The following NFATC2 variants were observed in gnomAD, a reference collection of about 807,000 sequenced individuals.
NFATC2 encodes nuclear factor of activated T cells 2.
A neutral mutation model predicts 87.3 loss-of-function variants in NFATC2; 22 were observed. That is an observed-to-expected ratio of 0.25 (90% CI 0.18 to 0.36). The LOEUF (loss-of-function observed/expected upper bound fraction) is 0.36. NFATC2 is among the 10% of genes least tolerant of loss of function. NFATC2 has a pLI of 1.00. For synonymous variants in NFATC2, 565 were observed against 542.2 expected (o/e 1.04, Z -0.58); for missense variants, 1,149 against 1,259.1 (o/e 0.91, Z 1.32).
chr20:51,455,231 T>TG lies in NFATC2; in HGVS notation c.1709-544dup, dbSNP rs36052294. Among the ~76,000 whole-genome samples, 1,354 of 152,330 alleles carry TG rather than the reference T, an allele frequency of 8.9e-3. 54 individuals are homozygous for TG. In the East Asian group the frequency reaches 0.13, roughly 14 times the overall value. On this transcript the variant is annotated intron_variant, in intron 5 of 10. Transcript: ENST00000371564. ...CGTTAAGACATCCATGATCTACCCATGGGGTCCTTTTCTAGAACTCTCCCT... is the reference window on the plus strand; with the variant it reads ...CGTTAAGACATCCATGATCTACCCATGGGGGTCCTTTTCTAGAACTCTCCCT...
chr20:51,541,420 A>G (rs1005272926), intron 1 of NFATC2, among the ~76,000 whole-genome samples: 1 of 152,174 alleles, frequency 6.6e-6, no homozygotes, highest in African/African-American at 2.4e-5. Flanking sequence ...ATACACAGTG[A>G]GGTTGGGCGT....
intron 5 of NFATC2, among the ~76,000 whole-genome samples, chr20:51,457,636 C>CTAATCCAGCTGCCTGGAT (rs1266635668): frequency 5.1e-3 from 60 of 11,806 alleles, no homozygotes; most frequent in African/African-American, 8.7e-3. Flanking sequence ...AGAGAAAACA[C>CTAATCCAGCTGCCTGGAT]GCCTTTAGCT....
intron 6 of NFATC2, among the ~76,000 whole-genome samples, chr20:51,439,366 A>C (rs561506813): frequency 6.6e-6 from 1 of 152,342 alleles, no homozygotes; most frequent in Admixed American, 6.5e-5. Context: ...CCAAGGTCAC[A>C]CAGCCAGACC....
chr20:51,439,121 G>A (rs989542881), intron 6 of NFATC2, among the ~76,000 whole-genome samples: 3 of 152,186 alleles, frequency 2.0e-5, no homozygotes, highest in African/African-American at 7.2e-5. Context: ...AAGATACCGT[G>A]GAAGCTTCAC....
At chr20:51,463,685 T>G (rs973389783) in intron 5 of NFATC2, among the ~76,000 whole-genome samples, 4 of 152,212 alleles carry the variant, frequency 2.6e-5, no homozygotes, top group Non-Finnish European at 5.9e-5. Flanking sequence ...AGCAAGTCAC[T>G]CATCCTTCGG....
intron 1 of NFATC2, among the ~76,000 whole-genome samples, chr20:51,549,581 C>T (rs921297557): frequency 1.3e-5 from 2 of 152,238 alleles, no homozygotes; most frequent in East Asian, 1.9e-4. Context: ...AAAGAACAAC[C>T]CAGAGCTGGG....
chr20:51,517,543 G>A (rs1434834081), intron 2 of NFATC2, among the ~76,000 whole-genome samples: 1 of 151,556 alleles, frequency 6.6e-6, no homozygotes, highest in African/African-American at 2.4e-5. Flanking sequence ...AATGAGCTGT[G>A]ATTGCACCAC....
At position 51,398,690 on chromosome 20, in the gene NFATC2, T is replaced by TAATA; in HGVS notation, c.2759_2762dup (p.Leu921PhefsTer11). ...CAAAGATCACAGTCATTCTGTTTCATAATATGTTTTGTATCCAGCTAAGGT... is the reference window on the plus strand; with the variant it reads ...CAAAGATCACAGTCATTCTGTTTCATAATAAATATGTTTTGTATCCAGCTAAGGT... On this transcript the variant is annotated frameshift_variant, in exon 10 of 11. Coordinates refer to ENST00000371564, the MANE Select transcript of NFATC2 (RefSeq NM_012340.5). LOFTEE classifies it high-confidence loss of function. The TAATA allele has an allele frequency of 6.2e-7, 1 of 1,613,442 alleles. No individual in the cohort carries two copies. Among genetic ancestry groups the TAATA allele is most frequent in the Non-Finnish European group, 8.5e-7 (1 of 1,179,668 alleles).
intron 3 of NFATC2, among the ~76,000 whole-genome samples, chr20:51,494,697 A>G (rs1222866511): frequency 6.6e-6 from 1 of 152,204 alleles, no homozygotes; most frequent in Non-Finnish European, 1.5e-5. Context: ...CCCGTGGCAG[A>G]GAGGTGACAG....
intron 9 of NFATC2, among the ~76,000 whole-genome samples, chr20:51,410,989 G>C (rs957333002): frequency 6.6e-6 from 1 of 152,170 alleles, no homozygotes; most frequent in African/African-American, 2.4e-5. Context: ...GATGACAGTG[G>C]TGATGGTGAT....
At chr20:51,504,019 G>T (rs1183744748) in intron 3 of NFATC2, among the ~76,000 whole-genome samples, 2 of 150,220 alleles carry the variant, frequency 1.3e-5, no homozygotes, top group Non-Finnish European at 3.0e-5. Context: ...AATTTTTGGG[G>T]TTTTTTTGTT....
intron 9 of NFATC2, among the ~76,000 whole-genome samples, chr20:51,430,356 T>A (rs542603410): frequency 1.2e-4 from 19 of 152,158 alleles, no homozygotes; most frequent in Admixed American, 6.5e-5. Context: ...CTTAGTTAAT[T>A]CTCTACACGA....
Position 51,469,568 on chromosome 20 carries a change from G to A in NFATC2, c.1708+4412C>T, listed in dbSNP as rs142755517. 8.1e-4 allele frequency among the ~76,000 whole-genome samples: 123 copies of A among 152,230 alleles called. 1 individual carries two copies. The highest frequency in any genetic ancestry group is 2.2e-3 in the African/African-American group (92 of 41,546). ...TCACATCCACCCACAACCTCAGAAC[G>A]TACCTTATTTGGAACCAGGGTCTTC... On this transcript the variant is annotated intron_variant, in intron 5 of 10. Transcript: ENST00000371564.
intron 3 of NFATC2, among the ~76,000 whole-genome samples, chr20:51,503,435 T>C (rs934120208): frequency 2.0e-5 from 3 of 152,228 alleles, no homozygotes; most frequent in Admixed American, 2.0e-4. Flanking sequence ...GCCACTAGTA[T>C]GGTGAGAACA....
chr20:51,461,267 C>T (rs1438649665), intron 5 of NFATC2, among the ~76,000 whole-genome samples: 1 of 152,202 alleles, frequency 6.6e-6, no homozygotes, highest in Non-Finnish European at 1.5e-5. Context: ...CACCCACCCT[C>T]CTCATCAGCC....
intron 3 of NFATC2, 83 bp downstream of exon 3, chr20:51,516,701 C>T (rs1440296346): frequency 1.4e-5 from 20 of 1,449,262 alleles, no homozygotes; most frequent in African/African-American, 4.3e-5. Context: ...CTCACCTTAA[C>T]AAGCAACAAA....
chr20:51,398,746 A>AT lies in NFATC2; in HGVS notation c.2723-17_2723-16insA. On this transcript the variant is annotated splice_polypyrimidine_tract_variant and intron_variant, in intron 9 of 10. Coordinates refer to ENST00000371564, the MANE Select transcript of NFATC2 (RefSeq NM_012340.5). Reference sequence around the variant, plus strand: ...TCTATCAGCTCTGAAAAAGATTTGCAAAATCATTTTTGAGAAGAAAAAAAA... The same window carrying AT: ...TCTATCAGCTCTGAAAAAGATTTGCATAAATCATTTTTGAGAAGAAAAAAAA... The AT allele has an allele frequency of 6.4e-7, 1 of 1,573,622 alleles. No homozygotes were observed. The highest frequency in any genetic ancestry group is 8.7e-7 in the Non-Finnish European group (1 of 1,150,444).
At chr20:51,513,177 T>C (rs17728960) in intron 3 of NFATC2, among the ~76,000 whole-genome samples, 7,720 of 152,348 alleles carry the variant, frequency 0.051, 255 homozygotes, top group Middle Eastern at 0.13. Context: ...ATATTGGATC[T>C]TCAAAGTTAC....
chr20:51,523,391 C>G lies in NFATC2; in HGVS notation c.850G>C (p.Ala284Pro), dbSNP rs771380542. 1.9e-6 allele frequency: 3 copies of G among 1,609,756 alleles called. No homozygotes were observed. Among genetic ancestry groups the G allele is most frequent in the Non-Finnish European group, 2.5e-6 (3 of 1,177,894 alleles). Residue 284 changes from alanine to proline, a missense_variant, in exon 2 of 11, where the codon GCA (alanine) becomes CCA (proline). By Grantham distance (27) the Ala-to-Pro change is conservative. Transcript: ENST00000371564. This position sits in a 1 kb window ranked among gnomAD's most constrained non-coding sequence, Gnocchi z 6.9. Reference protein sequence around the residue: ...SPSPQPSSHVAPQDHGSPAGY... With the variant: ...SPSPQPSSHVPPQDHGSPAGY... ...GCCGGGGAGCCGTGGTCCTGGGGTG[C>G]CACGTGAGATGAGGGCTGCGGCGAG...
Sources: gnomAD v4.1 joint callset for allele counts (sites outside exome capture counted in the v4.1 genomes callset) on GRCh38, gnomAD v4.1.1 for gene constraint, Gnocchi (gnomAD v3.1) non-coding constraint, MANE v1.5 for transcripts, NCBI Gene and HGNC (gene_info 2026-07-23, HGNC 2026-07-21) for gene names.